PARN: variants seen among roughly 807,000 people sequenced by gnomAD.
PARN encodes poly(A)-specific ribonuclease PARN.
A neutral mutation model predicts 102.8 loss-of-function variants in PARN; 71 were observed. The ratio of observed to expected loss-of-function variants is 0.69; its 90% CI spans 0.57 to 0.84. The LOEUF (loss-of-function observed/expected upper bound fraction) is 0.84. PARN is among the 40% of genes least tolerant of loss of function. The pLI is 0.00. For missense variants in PARN, 782 were observed against 760.9 expected (o/e 1.03, Z -0.33); for synonymous variants, 261 against 252.9 (o/e 1.03, Z -0.30).
intron 6 of PARN, among the ~76,000 whole-genome samples, chr16:14,612,272 A>C (rs542676861): frequency 3.4e-4 from 51 of 152,020 alleles, no homozygotes; most frequent in Non-Finnish European, 6.3e-4. Flanking sequence ...CCCCGTCTCT[A>C]CTAAAAATAC....
rs182743166 is a variant in PARN at position 14,465,520 on chromosome 16, A to G, written c.1670+17118T>C. Among the ~76,000 whole-genome samples the G allele has an allele frequency of 4.4e-3, 669 of 152,344 alleles. 6 individuals are homozygous for G. Among genetic ancestry groups the G allele is most frequent in the African/African-American group, 0.015 (639 of 41,578 alleles). Reference sequence around the variant, plus strand: ...GTTGGGAGCTGGGAAATTTAAGTATATTACTGTAAGATTCTTATGCTATAT... The same window carrying G: ...GTTGGGAGCTGGGAAATTTAAGTATGTTACTGTAAGATTCTTATGCTATAT... On this transcript the variant is annotated intron_variant, in intron 22 of 23. Transcript: ENST00000437198.
intron 21 of PARN, among the ~76,000 whole-genome samples, chr16:14,532,196 A>ATTTTTTTTTTTTT (rs1966377191): frequency 8.0e-6 from 1 of 125,508 alleles, no homozygotes. Context: ...TTTTTTTTTA[A>ATTTTTTTTTTTTT]TTGTTCATTC....
chr16:14,575,467 T>C (rs1969070227), intron 18 of PARN, among the ~76,000 whole-genome samples: 1 of 152,186 alleles, frequency 6.6e-6, no homozygotes, highest in Non-Finnish European at 1.5e-5. Context: ...GCTTTAAGAT[T>C]TGACTGCCCT....
chr16:14,523,887 A>C (rs1335612533), intron 21 of PARN, among the ~76,000 whole-genome samples: 3 of 152,030 alleles, frequency 2.0e-5, no homozygotes, highest in Non-Finnish European at 4.4e-5. Context: ...GGGAGCACTT[A>C]TACTAGATGG....
intron 5 of PARN, among the ~76,000 whole-genome samples, chr16:14,623,491 A>C (rs1972447659): frequency 6.8e-6 from 1 of 146,188 alleles, no homozygotes; most frequent in Admixed American, 6.8e-5. Context: ...TCCAGCCTGG[A>C]AACAGAGCAA....
At chr16:14,516,690 G>A (rs1197100544) in intron 21 of PARN, among the ~76,000 whole-genome samples, 1 of 152,124 alleles carries the variant, frequency 6.6e-6, no homozygotes, top group Non-Finnish European at 1.5e-5. Context: ...AGAACTCAGG[G>A]AGCACTTTTC....
chr16:14,567,929 A>C (rs535905401), intron 18 of PARN, among the ~76,000 whole-genome samples: 13 of 152,358 alleles, frequency 8.5e-5, no homozygotes, highest in Non-Finnish European at 1.6e-4. Flanking sequence ...ACAGTTATAA[A>C]GTGTTTTCTT....
At chr16:14,593,675 T>C (rs1970337776) in intron 12 of PARN, among the ~76,000 whole-genome samples, 1 of 152,008 alleles carries the variant, frequency 6.6e-6, no homozygotes, top group African/African-American at 2.4e-5. Context: ...TCAGAAGTAG[T>C]AAAATTTTGA....
At chr16:14,535,399 T>C (rs1307996448) in intron 21 of PARN, among the ~76,000 whole-genome samples, 1 of 152,234 alleles carries the variant, frequency 6.6e-6, no homozygotes, top group Non-Finnish European at 1.5e-5. Flanking sequence ...AATTACATCT[T>C]TTCTAAGAAA....
Position 14,618,200 on chromosome 16 carries a change from C to T in PARN, c.328-550G>A, listed in dbSNP as rs534688948. Among the ~76,000 whole-genome samples, 33 of 152,056 alleles carry T rather than the reference C, an allele frequency of 2.2e-4. No homozygotes were observed. The South Asian group carries it at 4.0e-3, about 18-fold the overall frequency. On this transcript the variant is annotated intron_variant, in intron 5 of 23. Transcript: ENST00000437198. Reference sequence around the variant, plus strand: ...CTCTACTAAAAATACAAAAATTAGCCGGGTGTGCCAGGCGCGGTGGCTGAC... The same window carrying T: ...CTCTACTAAAAATACAAAAATTAGCTGGGTGTGCCAGGCGCGGTGGCTGAC...
intron 21 of PARN, among the ~76,000 whole-genome samples, chr16:14,531,792 G>T (rs1021716131): frequency 3.3e-5 from 5 of 151,842 alleles, no homozygotes; most frequent in African/African-American, 1.2e-4. Context: ...TCAATACTTG[G>T]AAATTCTTTC....
intron 21 of PARN, among the ~76,000 whole-genome samples, chr16:14,494,650 CG>C (rs1356393492): frequency 6.6e-6 from 1 of 152,156 alleles, no homozygotes; most frequent in Non-Finnish European, 1.5e-5. Context: ...GCGGTGCAGC[CG>C]GAACGATGCG....
chr16:14,593,265 C>A, intron 13 of PARN, 36 bp downstream of exon 13: 1 of 1,092,758 alleles, frequency 9.2e-7, no homozygotes, highest in Non-Finnish European at 1.4e-6. Context: ...AAAAAGAATC[C>A]TGCTAATATT....
intron 21 of PARN, among the ~76,000 whole-genome samples, chr16:14,541,018 C>T (rs1395063753): frequency 2.0e-5 from 3 of 151,892 alleles, no homozygotes; most frequent in Admixed American, 6.6e-5. Context: ...CGGCCAAACA[C>T]AGTGGCTCAT....
intron 6 of PARN, among the ~76,000 whole-genome samples, chr16:14,613,319 A>C (rs1012624272): frequency 2.0e-5 from 3 of 151,038 alleles, no homozygotes; most frequent in Non-Finnish European, 3.0e-5. Flanking sequence ...CAAAAAAAAA[A>C]AAAAAACAAA....
chr16:14,593,491 TTAAAAAAAA>T (rs1970321665), intron 12 of PARN, 113 bp from the exon 13 acceptor site: 3 of 27,632 alleles, frequency 1.1e-4, no homozygotes, highest in Non-Finnish European at 2.0e-4. Context: ...CTTTCCAGAC[TTAAAAAAAA>T]AAAAAAAAAA....
At chr16:14,564,465 G>A (rs1023448087) in intron 18 of PARN, among the ~76,000 whole-genome samples, 2 of 152,154 alleles carry the variant, frequency 1.3e-5, no homozygotes, top group Non-Finnish European at 2.9e-5. Flanking sequence ...ACCTTCCCAC[G>A]ACTGTAGTGC....
At chr16:14,549,206 C>T (rs1376254081) in intron 21 of PARN, among the ~76,000 whole-genome samples, 2 of 152,126 alleles carry the variant, frequency 1.3e-5, no homozygotes, top group African/African-American at 4.8e-5. Flanking sequence ...AGAAAAGAGA[C>T]TATACCGGAA....
At chr16:14,490,629 C>T (rs1442137983) in intron 21 of PARN, among the ~76,000 whole-genome samples, 1 of 152,206 alleles carries the variant, frequency 6.6e-6, no homozygotes, top group Non-Finnish European at 1.5e-5. Context: ...CTCTGACACC[C>T]TTTAAGATGG....
Sources: allele counts gnomAD v4.1 joint callset (sites outside exome capture counted in the v4.1 genomes callset), GRCh38; gene constraint gnomAD v4.1.1; transcripts MANE v1.5; gene names NCBI Gene and HGNC (gene_info 2026-07-23, HGNC 2026-07-21).